MEIS2: variants seen among roughly 807,000 people sequenced by gnomAD.
MEIS2 encodes homeobox protein Meis2.
A neutral mutation model predicts 58.6 loss-of-function variants in MEIS2; 9 were observed. That is an observed-to-expected ratio of 0.15 (90% CI 0.09 to 0.27). The LOEUF is 0.27. Among genes scored for constraint, MEIS2 ranks in the 10% least tolerant of loss-of-function variants. The pLI is 1.00. For synonymous variants in MEIS2, 221 were observed against 228.4 expected (o/e 0.97, Z 0.29); for missense variants, 427 against 635.0 (o/e 0.67, Z 3.52).
At chr15:37,010,011 C>T (rs1050374220) in intron 8 of MEIS2, among the ~76,000 whole-genome samples, 5 of 152,160 alleles carry the variant, frequency 3.3e-5, no homozygotes, top group African/African-American at 1.2e-4. Context: ...GGGAGACACA[C>T]CCCATTTGAT....
At chr15:36,948,754 C>T (rs1360549291) in intron 9 of MEIS2, among the ~76,000 whole-genome samples, 1 of 151,922 alleles carries the variant, frequency 6.6e-6, no homozygotes, top group Non-Finnish European at 1.5e-5. Flanking sequence ...GTGCTAGGAA[C>T]ATAAATGAGA....
Position 37,057,070 on chromosome 15 carries a change from C to T in MEIS2, c.755-20111G>A, listed in dbSNP as rs557867789. Among the ~76,000 whole-genome samples the T allele has an allele frequency of 4.6e-5, 7 of 152,320 alleles. No homozygotes were observed. In the South Asian group the frequency reaches 6.2e-4, roughly 14 times the overall value. On this transcript the variant is annotated intron_variant, in intron 7 of 11. Transcript: ENST00000561208. ...AATTCCCAGCCTGTTCATGAGGAAA[C>T]TCCCCGGGTTCCTCATTACATGGAG... is the stretch of plus-strand genomic sequence containing the variant.
At chr15:36,993,825 T>C (rs2141565075) in intron 8 of MEIS2, among the ~76,000 whole-genome samples, 1 of 152,090 alleles carries the variant, frequency 6.6e-6, no homozygotes, top group Non-Finnish European at 1.5e-5. Context: ...AATGTCAGAG[T>C]GCTTTAAATT....
chr15:37,061,056 T>C (rs1889142524), intron 7 of MEIS2, among the ~76,000 whole-genome samples: 4 of 152,200 alleles, frequency 2.6e-5, no homozygotes. Context: ...GGTTAGGTCC[T>C]GTACAGATTT....
chr15:36,949,569 T>C (rs2058685429), intron 9 of MEIS2, among the ~76,000 whole-genome samples: 1 of 152,026 alleles, frequency 6.6e-6, no homozygotes, highest in African/African-American at 2.4e-5. Flanking sequence ...GCAAATACTT[T>C]CCCTGAATTT....
At chr15:36,934,974 A>ATTATGT (rs2058108306) in intron 9 of MEIS2, among the ~76,000 whole-genome samples, 7 of 152,122 alleles carry the variant, frequency 4.6e-5, no homozygotes, top group Non-Finnish European at 8.8e-5. Flanking sequence ...CTTGGCAGAG[A>ATTATGT]CATAAAGCTA....
intron 8 of MEIS2, among the ~76,000 whole-genome samples, chr15:36,955,575 A>G (rs1455267413): frequency 6.6e-6 from 1 of 152,222 alleles, no homozygotes; most frequent in Non-Finnish European, 1.5e-5. Context: ...CATGGGATAT[A>G]AAACACCTAT....
chr15:37,017,050 C>G (rs2061373938), intron 8 of MEIS2, among the ~76,000 whole-genome samples: 1 of 152,214 alleles, frequency 6.6e-6, no homozygotes, highest in South Asian at 2.1e-4. Context: ...TTAACAAACA[C>G]ACACTTGTCA....
At chr15:36,929,033 A>G (rs1466265866) in intron 9 of MEIS2, among the ~76,000 whole-genome samples, 4 of 152,232 alleles carry the variant, frequency 2.6e-5, no homozygotes, top group Non-Finnish European at 1.5e-5. Context: ...AAAACAAACA[A>G]TAACTAATTA....
chr15:36,953,867 T>TAGGTTAACTAG (rs2058854413), intron 8 of MEIS2, among the ~76,000 whole-genome samples: 1 of 152,170 alleles, frequency 6.6e-6, no homozygotes. Flanking sequence ...TAACTAGGTT[T>TAGGTTAACTAG]GTCAAGTACA....
chr15:37,089,167 C>T (rs1426160082), intron 6 of MEIS2, among the ~76,000 whole-genome samples: 5 of 152,220 alleles, frequency 3.3e-5, no homozygotes, highest in South Asian at 2.1e-4. Flanking sequence ...AGAACTTTAT[C>T]GGAATAGGCC....
chr15:37,095,363 C>A (rs1894097822), intron 4 of MEIS2, among the ~76,000 whole-genome samples: 1 of 152,208 alleles, frequency 6.6e-6, no homozygotes, highest in African/African-American at 2.4e-5. Flanking sequence ...CCTCCCTGGG[C>A]TTCGCTCCCC....
intron 6 of MEIS2, among the ~76,000 whole-genome samples, chr15:37,090,192 C>T (rs1188048797): frequency 6.6e-6 from 1 of 151,682 alleles, no homozygotes; most frequent in South Asian, 2.1e-4. Context: ...TAGTAAAAGA[C>T]AAAATACATT....
intron 9 of MEIS2, among the ~76,000 whole-genome samples, chr15:36,935,775 TC>T: frequency 6.6e-6 from 1 of 152,058 alleles, no homozygotes; most frequent in East Asian, 1.9e-4. Flanking sequence ...AAAATCATTT[TC>T]CCCCTCTGTA....
intron 8 of MEIS2, among the ~76,000 whole-genome samples, chr15:36,979,049 C>A (rs2059848046): frequency 2.0e-5 from 3 of 151,830 alleles, no homozygotes; most frequent in African/African-American, 7.3e-5. Context: ...ACTGAGAATC[C>A]CTCTGAAAAT....
chr15:37,083,105 A>G (rs1892448482), intron 7 of MEIS2, among the ~76,000 whole-genome samples: 1 of 152,190 alleles, frequency 6.6e-6, no homozygotes, highest in South Asian at 2.1e-4. Context: ...CTCTCTGTGC[A>G]ATAGGTGAGT....
At chr15:37,005,543 T>C (rs2060889455) in intron 8 of MEIS2, among the ~76,000 whole-genome samples, 2 of 151,994 alleles carry the variant, frequency 1.3e-5, no homozygotes, top group Non-Finnish European at 2.9e-5. Context: ...CTGCATTCTG[T>C]AGGCCAGTCC....
intron 1 of MEIS2, 127 bp from the exon 2 acceptor site, chr15:37,098,326 A>G: frequency 7.9e-7 from 1 of 1,273,204 alleles, no homozygotes; most frequent in Middle Eastern, 3.1e-4. Flanking sequence ...AAGATGAGAG[A>G]GAGGGAGGGA....
chr15:36,892,202 C>T lies in MEIS2; in HGVS notation c.1405G>A (p.Gly469Arg), dbSNP rs760342372. ...MLNSVDPNVG[G>R]QVMDIHAQ ...TGGGCATGAATGTCCATAACCTGTC[C>T]GCCAACATTGGGATCTACAGAATTT... The change falls in exon 12 of 12, where the codon GGA becomes AGA. Residue 469 changes from glycine (G) to arginine (R), a missense_variant. By Grantham distance (125) the Gly-to-Arg change is moderately radical. Coordinates refer to ENST00000561208, the MANE Select transcript of MEIS2 (RefSeq NM_170675.5). 2.9e-5 allele frequency: 47 copies of T among 1,613,986 alleles called. No individual in the cohort carries two copies. Among genetic ancestry groups the T allele is most frequent in the East Asian group, 6.7e-5 (3 of 44,880 alleles).
Sources: allele counts gnomAD v4.1 joint callset (sites outside exome capture counted in the v4.1 genomes callset), GRCh38; gene constraint gnomAD v4.1.1; transcripts MANE v1.5; gene names NCBI Gene and HGNC (gene_info 2026-07-23, HGNC 2026-07-21).